Variants in CHST12 observed in about 807,000 individuals in gnomAD.
CHST12 encodes carbohydrate (chondroitin 4) sulfotransferase 12.
Under a neutral mutation model 27.9 loss-of-function variants are expected in CHST12, and 23 were observed. The observed-to-expected ratio is 0.82, with a 90% CI of 0.59 to 1.17. The LOEUF is 1.17. Ranked by LOEUF, CHST12 falls within the 50% of genes most tolerant of loss-of-function variation. CHST12 has a pLI of 0.00. For missense variants in CHST12, 682 were observed against 603.0 expected (o/e 1.13, Z -1.37); for synonymous variants, 322 against 273.0 (o/e 1.18, Z -1.77).
intron 1 of CHST12, among the ~76,000 whole-genome samples, chr7:2,415,658 G>A (rs1338264996): frequency 1.3e-5 from 2 of 151,142 alleles, no homozygotes; most frequent in African/African-American, 4.9e-5. Context: ...TGTCGCCCAG[G>A]CTGGAGTGCA....
intron 1 of CHST12, among the ~76,000 whole-genome samples, chr7:2,424,022 AGCCTGG>A: frequency 6.6e-6 from 1 of 152,204 alleles, no homozygotes; most frequent in Non-Finnish European, 1.5e-5. Flanking sequence ...ACTGTTCTCC[AGCCTGG>A]GCAACAGCGC....
chr7:2,432,694 A>T lies in CHST12; in HGVS notation c.55A>T (p.Ile19Phe). 1 of 1,613,716 alleles carries T rather than the reference A, an allele frequency of 6.2e-7. No individual in the cohort carries two copies. Among genetic ancestry groups the T allele is most frequent in the Middle Eastern group, 1.6e-4 (1 of 6,062 alleles). Residue 19 changes from isoleucine to phenylalanine, a missense_variant, in exon 2 of 2, where the codon ATC becomes TTC. Ile to Phe is a conservative substitution (Grantham distance 21). Transcript: ENST00000618655. The part of the protein sequence containing the change: ...LWLVLGSVFM[I>F]LLIIVYWDSA... ...GCTGGTGCTGGGGTCGGTGTTCATG[A>T]TCCTGCTGATCATCGTGTACTGGGA...
At chr7:2,425,551 G>A in intron 1 of CHST12, among the ~76,000 whole-genome samples, 1 of 152,282 alleles carries the variant, frequency 6.6e-6, no homozygotes, top group South Asian at 2.1e-4. Flanking sequence ...GGCCACCATT[G>A]TTTCTGGATG....
chr7:2,433,705 C>G lies in CHST12; in HGVS notation c.1066C>G (p.Leu356Val). The change falls in exon 2 of 2, where the codon CTC (leucine) becomes GTC (valine). Residue 356 changes from leucine to valine, a missense_variant. Leu to Val is a conservative substitution (Grantham distance 32). Transcript: ENST00000618655. The surrounding 1 kb of genome is among the most constrained non-coding windows in gnomAD (Gnocchi z 6.1). Reference sequence around the variant, plus strand: ...GGACGCCGCGCAGCTGCTGCAGCTACTCCAGGTGGACCGGCAGCTCCGCTT... The same window carrying G: ...GGACGCCGCGCAGCTGCTGCAGCTAGTCCAGGTGGACCGGCAGCTCCGCTT... ...DEDAAQLLQL[L>V]QVDRQLRFPP... is the part of the protein sequence containing the mutation. 1 of 1,613,746 alleles carries G rather than the reference C, an allele frequency of 6.2e-7. No individual in the cohort carries two copies.
rs1176774518 is a variant in CHST12 at position 2,444,998 on chromosome 7, C to T, written c.*11114C>T. ...GTTCTCTTCCAACGTGTCTTCCTTC[C>T]AGTAGGTTTCCAGAATATTTTGGTT... On this transcript the variant is annotated 3_prime_UTR_variant, in exon 2 of 2. Coordinates refer to ENST00000618655, the MANE Select transcript of CHST12 (RefSeq NM_018641.5). 1 of 152,170 alleles carries T rather than the reference C, an allele frequency of 6.6e-6. No individual in the cohort carries two copies. Among genetic ancestry groups the T allele is most frequent in the African/African-American group, 2.4e-5 (1 of 41,432 alleles). 9.4% of individuals were successfully genotyped at this position (152,170 alleles called of 1,614,324 possible). A position where few individuals can be genotyped will look rare whatever the true frequency, so the allele number is the denominator to read the frequency against.
intron 1 of CHST12, among the ~76,000 whole-genome samples, chr7:2,413,217 C>T (rs1487029549): frequency 1.3e-5 from 2 of 152,216 alleles, no homozygotes; most frequent in African/African-American, 4.8e-5. Flanking sequence ...TCCCTTCCCT[C>T]TTCCTCCCAG....
At chr7:2,422,680 C>T (rs1006055510) in intron 1 of CHST12, among the ~76,000 whole-genome samples, 2 of 152,032 alleles carry the variant, frequency 1.3e-5, no homozygotes, top group Admixed American at 6.6e-5. Context: ...GGACTACAGG[C>T]ACACACCACC....
chr7:2,425,691 C>CTTTTTT (rs760502452), intron 1 of CHST12, among the ~76,000 whole-genome samples: 2 of 137,876 alleles, frequency 1.5e-5, no homozygotes, highest in African/African-American at 5.4e-5. Flanking sequence ...ACTGCATTTG[C>CTTTTTT]TTTTTTTTTT....
rs778630466 is a variant in CHST12, at chr7:2,432,652, C to G, written c.13C>G (p.Arg5Gly). Residue 5 changes from arginine (R) to glycine (G), a missense_variant, in exon 2 of 2, where the codon CGG becomes GGG. Arg to Gly is a moderately radical substitution (Grantham distance 125). Transcript: ENST00000618655. The stretch of plus-strand genomic sequence containing the variant: ...CGCCCGGGGCAGGATGACCAAGGCC[C>G]GGCTGTTCCGGCTGTGGCTGGTGCT... MTKA[R>G]LFRLWLVLGS... 9.3e-6 allele frequency: 15 copies of G among 1,607,972 alleles called. No homozygotes were observed. Among genetic ancestry groups the G allele is most frequent in the Admixed American group, 1.7e-5 (1 of 59,848 alleles).
In CHST12 at chr7:2,441,036, T is replaced by C. The variant is rs773069145; in HGVS notation, c.*7152T>C. On this transcript the variant is annotated 3_prime_UTR_variant, in exon 2 of 2. Transcript: ENST00000618655. ...TGGGGCAATGTTCTGCTTATAATGT[T>C]TCAAGAGGTTCAAAGCGTGCAGGCC... 3 of 152,174 alleles carry C rather than the reference T, an allele frequency of 2.0e-5. No individual in the cohort carries two copies. Among genetic ancestry groups the C allele is most frequent in the Non-Finnish European group, 2.9e-5 (2 of 68,036 alleles). The allele number at this position is 152,174 out of a possible 1,614,324, so 9.4% of individuals were successfully genotyped here. A position where few individuals can be genotyped will look rare whatever the true frequency, so the allele number is the denominator to read the frequency against.
chr7:2,406,440 GGGGC>G (rs1781525625), intron 1 of CHST12, among the ~76,000 whole-genome samples: 1 of 13,550 alleles, frequency 7.4e-5, no homozygotes, highest in Non-Finnish European at 1.9e-4. Flanking sequence ...GTATGGGGTG[GGGGC>G]ACAGTTGAGT....
intron 1 of CHST12, among the ~76,000 whole-genome samples, chr7:2,416,973 C>A (rs116596387): frequency 9.2e-5 from 14 of 152,260 alleles, no homozygotes; most frequent in Non-Finnish European, 1.8e-4. Context: ...TTTTCTTTTG[C>A]GTAACTTGGT....
rs1212563333 is a variant in CHST12 at position 2,448,083 on chromosome 7, G to T, written c.*14199G>T. ...GGATTTCGCCATGTGGGTCGGGCTG[G>T]TCTCGAACTCCTGGTCTCAAGTGAT... On this transcript the variant is annotated 3_prime_UTR_variant, in exon 2 of 2. Coordinates refer to ENST00000618655, the MANE Select transcript of CHST12 (RefSeq NM_018641.5). 1 of 152,044 alleles carries T rather than the reference G, an allele frequency of 6.6e-6. No homozygotes were observed. The highest frequency in any genetic ancestry group is 1.5e-5 in the Non-Finnish European group (1 of 68,030). 9.4% of individuals were successfully genotyped at this position (152,044 alleles called of 1,614,324 possible).
At position 2,442,944 on chromosome 7, in the gene CHST12, CAG is replaced by C. The variant is rs2115465781; in HGVS notation, c.*9063_*9064del. Reference sequence around the variant, plus strand: ...CAGGTTTTTGTTTTTTTTTTCCAGACAGAGTCTTGCTCTTTCGCCTAGGCTGG... The same window carrying C: ...CAGGTTTTTGTTTTTTTTTTCCAGACAGTCTTGCTCTTTCGCCTAGGCTGG... On this transcript the variant is annotated 3_prime_UTR_variant, in exon 2 of 2. Transcript: ENST00000618655. The C allele has an allele frequency of 6.6e-6, 1 of 152,074 alleles. No individual in the cohort carries two copies. The highest frequency in any genetic ancestry group is 2.1e-4 in the South Asian group (1 of 4,818). The allele number at this position is 152,074 out of a possible 1,614,324, so 9.4% of individuals were successfully genotyped here. A position where few individuals can be genotyped will look rare whatever the true frequency, so the allele number is the denominator to read the frequency against.
intron 1 of CHST12, among the ~76,000 whole-genome samples, chr7:2,404,919 C>G (rs562292775): frequency 1.3e-5 from 2 of 152,278 alleles, no homozygotes; most frequent in South Asian, 2.1e-4. Flanking sequence ...GTGGGCCTTG[C>G]CCTGGGAGCT....
intron 1 of CHST12, among the ~76,000 whole-genome samples, chr7:2,415,982 T>C (rs946697148): frequency 7.9e-5 from 12 of 152,242 alleles, no homozygotes; most frequent in Admixed American, 2.6e-4. Flanking sequence ...AAGGTTTTCC[T>C]GTAGCACGTG....
chr7:2,428,874 A>T lies in CHST12; in HGVS notation c.-77-3689A>T, dbSNP rs569318476. ...AAGCTAGACAGCCAGTTAGACCAGAAATTCTCAGAAGGGAGTATGCCTTAA... is the reference window on the plus strand; with the variant it reads ...AAGCTAGACAGCCAGTTAGACCAGATATTCTCAGAAGGGAGTATGCCTTAA... On this transcript the variant is annotated intron_variant, in intron 1 of 1. Coordinates refer to ENST00000618655, the MANE Select transcript of CHST12 (RefSeq NM_018641.5). Among the ~76,000 whole-genome samples the T allele has an allele frequency of 2.0e-5, 3 of 152,314 alleles. No homozygotes were observed. The South Asian group carries it at 6.2e-4, about 32-fold the overall frequency.
rs1203511458 is a variant in CHST12, at chr7:2,438,252, T to TGTCAG, written c.*4369_*4370insTCAGG. 6.6e-6 allele frequency: 1 copy of TGTCAG among 152,250 alleles called. No homozygotes were observed. The highest frequency in any genetic ancestry group is 2.4e-5 in the African/African-American group (1 of 41,426). 9.4% of individuals were successfully genotyped at this position (152,250 alleles called of 1,614,324 possible). ...TTCGGCATGGTGACAGGTGTTTCCC[T>TGTCAG]GCGGCAGAATGTTGGGGCCACACCA... On this transcript the variant is annotated 3_prime_UTR_variant, in exon 2 of 2. Transcript: ENST00000618655.
chr7:2,415,119 C>T (rs1174410433), intron 1 of CHST12, among the ~76,000 whole-genome samples: 1 of 152,210 alleles, frequency 6.6e-6, no homozygotes, highest in Non-Finnish European at 1.5e-5. Flanking sequence ...AGTCCCTGCA[C>T]TTTGGGAGGC....
Sources: allele counts gnomAD v4.1 joint callset (sites outside exome capture counted in the v4.1 genomes callset), GRCh38; gene constraint gnomAD v4.1.1; non-coding constraint Gnocchi (gnomAD v3.1); transcripts MANE v1.5; gene names NCBI Gene and HGNC (gene_info 2026-07-23, HGNC 2026-07-21).